Variants in DLG2 observed in about 807,000 individuals in gnomAD.
DLG2 encodes disks large homolog 2.
DLG2 carries 45 observed loss-of-function variants against 132.5 expected under a neutral mutation model. That is an observed-to-expected ratio of 0.34 (90% CI 0.27 to 0.44). DLG2 has a LOEUF of 0.44. DLG2 is among the 20% of genes least tolerant of loss of function. The pLI, the probability that DLG2 is intolerant of heterozygous loss-of-function variation, is 1.00. For missense variants in DLG2, 1,045 were observed against 1,196.9 expected, an observed-to-expected ratio of 0.87 and a Z score of 1.87; for synonymous variants, 424 against 419.6, an observed-to-expected ratio of 1.01 and a Z score of -0.13.
chr11:85,116,790 C>T (rs1176662890), intron 5 of DLG2, among the ~76,000 whole-genome samples: 1 of 151,790 alleles, frequency 6.6e-6, no homozygotes, highest in Non-Finnish European at 1.5e-5. Context: ...TTACCAAGAA[C>T]CAACTTGAGG....
At chr11:85,220,994 C>T (rs2074600892) in intron 4 of DLG2, among the ~76,000 whole-genome samples, 2 of 151,514 alleles carry the variant, frequency 1.3e-5, no homozygotes, top group Non-Finnish European at 2.9e-5. Context: ...TTGGTGCTAC[C>T]TTATGAGAGA....
intron 18 of DLG2, among the ~76,000 whole-genome samples, chr11:83,702,136 C>T (rs190564150): frequency 2.2e-3 from 341 of 152,314 alleles, no homozygotes; most frequent in African/African-American, 7.9e-3. Context: ...GATATCTCAG[C>T]AAATTCCCCT....
intron 6 of DLG2, among the ~76,000 whole-genome samples, chr11:84,925,856 A>G (rs10751116): frequency 0.52 from 79,139 of 151,948 alleles, 21,696 homozygotes; most frequent in East Asian, 0.83. Context: ...AATGATTTAA[A>G]TATAAAAATT....
intron 6 of DLG2, among the ~76,000 whole-genome samples, chr11:84,964,493 T>G (rs1459714421): frequency 6.6e-6 from 1 of 152,124 alleles, no homozygotes; most frequent in Non-Finnish European, 1.5e-5. Flanking sequence ...ATCTATTCTA[T>G]GCCCCAAAAT....
intron 6 of DLG2, among the ~76,000 whole-genome samples, chr11:84,563,900 T>C (rs1347383490): frequency 6.6e-6 from 1 of 152,160 alleles, no homozygotes; most frequent in Non-Finnish European, 1.5e-5. Flanking sequence ...TTTTGTGCTG[T>C]GGAGACACAC....
intron 6 of DLG2, among the ~76,000 whole-genome samples, chr11:84,774,584 C>G (rs1189473739): frequency 6.6e-6 from 1 of 152,072 alleles, no homozygotes; most frequent in Non-Finnish European, 1.5e-5. Context: ...CAGTATGGCA[C>G]TGGTACAAAA....
At chr11:83,998,784 C>T (rs1481215580) in intron 11 of DLG2, among the ~76,000 whole-genome samples, 2 of 152,120 alleles carry the variant, frequency 1.3e-5, no homozygotes, top group African/African-American at 2.4e-5. Flanking sequence ...GTCCTGCCCC[C>T]AACAGTCTGT....
chr11:84,965,491 A>G (rs1001838915), intron 6 of DLG2, among the ~76,000 whole-genome samples: 2 of 152,124 alleles, frequency 1.3e-5, no homozygotes, highest in Non-Finnish European at 2.9e-5. Context: ...TAAATGATCC[A>G]ATTCAGAGGC....
At chr11:84,275,366 T>C (rs1269461968) in intron 7 of DLG2, among the ~76,000 whole-genome samples, 1 of 152,190 alleles carries the variant, frequency 6.6e-6, no homozygotes, top group Non-Finnish European at 1.5e-5. Context: ...ATTTTTTTTT[T>C]TTTCTTGAGA....
chr11:84,402,901 A>AAAAAAAAAAAAAAAAAAAAAAAAC (rs2098835545), intron 7 of DLG2, among the ~76,000 whole-genome samples: 1 of 144,192 alleles, frequency 6.9e-6, no homozygotes, highest in African/African-American at 2.5e-5. Flanking sequence ...AAAAAAAAAA[A>AAAAAAAAAAAAAAAAAAAAAAAAC]TTAACTCAGA....
chr11:83,751,500 T>C (rs1298247727), intron 18 of DLG2, among the ~76,000 whole-genome samples: 1 of 152,108 alleles, frequency 6.6e-6, no homozygotes, highest in African/African-American at 2.4e-5. Context: ...AGGTGACCAT[T>C]AGGAGTCAGT....
chr11:84,049,925 T>C (rs1594073499), intron 11 of DLG2, among the ~76,000 whole-genome samples: 1 of 151,616 alleles, frequency 6.6e-6, no homozygotes, highest in Non-Finnish European at 1.5e-5. Flanking sequence ...GTGGTCACAA[T>C]AGTAAGAGAA....
chr11:83,789,241 G>A lies in DLG2; in HGVS notation c.1723-2449C>T, dbSNP rs372170954. ...TTAAAAATTCATCTTCAGTGTATACGTAAATTCTGTGTTTTATCACACGGG... is the reference window on the plus strand; with the variant it reads ...TTAAAAATTCATCTTCAGTGTATACATAAATTCTGTGTTTTATCACACGGG... On this transcript the variant is annotated intron_variant, in intron 17 of 27. Transcript: ENST00000376104. 7.9e-5 allele frequency among the ~76,000 whole-genome samples: 12 copies of A among 152,096 alleles called. No individual in the cohort carries two copies. The East Asian group carries it at 1.9e-3, about 24-fold the overall frequency.
intron 6 of DLG2, among the ~76,000 whole-genome samples, chr11:84,535,101 T>C (rs1013267376): frequency 6.6e-6 from 1 of 152,140 alleles, no homozygotes; most frequent in African/African-American, 2.4e-5. Flanking sequence ...AGGTTATGGA[T>C]GGAGAAGAAA....
rs959911738 is a variant in DLG2, at chr11:84,712,284, C to T, written c.358-177553G>A. 2.6e-5 allele frequency among the ~76,000 whole-genome samples: 4 copies of T among 151,882 alleles called. No individual in the cohort carries two copies. In the South Asian group the frequency reaches 6.2e-4, roughly 24 times the overall value. On this transcript the variant is annotated intron_variant, in intron 6 of 27. Coordinates refer to ENST00000376104, the MANE Select transcript of DLG2 (RefSeq NM_001142699.3). ...ACCCTCCTTATTTTTTTATATTCAACGTTTTTCTCTCAAATTTTCTAAAAT... is the reference window on the plus strand; with the variant it reads ...ACCCTCCTTATTTTTTTATATTCAATGTTTTTCTCTCAAATTTTCTAAAAT...
At chr11:84,667,504 T>TG (rs11464007) in intron 6 of DLG2, among the ~76,000 whole-genome samples, 17,181 of 144,082 alleles carry the variant, frequency 0.12, 1,075 homozygotes, top group Admixed American at 0.15. Flanking sequence ...TTTTGTTTTT[T>TG]TTTTTTTTTT....
At chr11:84,978,076 A>G (rs1479142701) in intron 6 of DLG2, among the ~76,000 whole-genome samples, 7 of 152,134 alleles carry the variant, frequency 4.6e-5, no homozygotes, top group Admixed American at 4.6e-4. Context: ...CTTGAAGGGG[A>G]AGGGGAAAAT....
intron 7 of DLG2, among the ~76,000 whole-genome samples, chr11:84,474,662 C>A (rs1013099122): frequency 2.6e-5 from 4 of 152,008 alleles, no homozygotes; most frequent in Non-Finnish European, 5.9e-5. Flanking sequence ...ATTCTGAATA[C>A]AAATATGGGT....
intron 21 of DLG2, chr11:83,486,151 TC>T (rs35251277): frequency 0.041 from 25,156 of 619,162 alleles, 546 homozygotes; most frequent in Middle Eastern, 0.074. Context: ...CCCCAAATTT[TC>T]CTAGTTAAAA....
Sources: allele counts gnomAD v4.1 joint callset (sites outside exome capture counted in the v4.1 genomes callset), GRCh38; gene constraint gnomAD v4.1.1; transcripts MANE v1.5; gene names NCBI Gene and HGNC (gene_info 2026-07-23, HGNC 2026-07-21).